CHAF1B: variants seen among roughly 807,000 people sequenced by gnomAD.
CHAF1B encodes CAF-1 subunit B.
Under a neutral mutation model 60.7 loss-of-function variants are expected in CHAF1B, and 10 were observed. The observed-to-expected ratio is 0.16, with a 90% CI of 0.10 to 0.28. The LOEUF (loss-of-function observed/expected upper bound fraction) is 0.28, where lower values mean the gene tolerates loss of function less well. CHAF1B is among the 10% of genes least tolerant of loss of function. The probability of loss-of-function intolerance (pLI) is 1.00; values close to 1 mark genes in which losing one functional copy is unlikely to be tolerated. For missense variants in CHAF1B, 558 were observed against 708.4 expected, an observed-to-expected ratio of 0.79 and a Z score of 2.41; for synonymous variants, 261 against 266.1, an observed-to-expected ratio of 0.98 and a Z score of 0.19.
chr21:36,387,233 T>G (rs1030529778), intron 2 of CHAF1B, among the ~76,000 whole-genome samples: 5 of 151,140 alleles, frequency 3.3e-5, no homozygotes, highest in African/African-American at 4.9e-5. Context: ...TGTTTTTTTT[T>G]TTTTTTTGAG....
intron 7 of CHAF1B, among the ~76,000 whole-genome samples, chr21:36,400,525 C>T (rs1009940717): frequency 3.3e-5 from 5 of 151,976 alleles, no homozygotes; most frequent in Admixed American, 3.3e-4. Flanking sequence ...GATGCCTTGG[C>T]CCCAACCTGA....
chr21:36,393,440 G>T (rs2086109145), intron 4 of CHAF1B, among the ~76,000 whole-genome samples: 1 of 147,552 alleles, frequency 6.8e-6, no homozygotes, highest in Admixed American at 6.8e-5. Flanking sequence ...TAAAGATACA[G>T]CTATCCTTTT....
chr21:36,414,698 G>A lies in CHAF1B; in HGVS notation c.1494-597G>A, dbSNP rs183352960. Among the ~76,000 whole-genome samples, 180 of 152,138 alleles carry A rather than the reference G, an allele frequency of 1.2e-3. 2 individuals are homozygous for A. Among genetic ancestry groups the A allele is most frequent in the African/African-American group, 2.3e-3 (94 of 41,502 alleles). On this transcript the variant is annotated intron_variant, in intron 12 of 13. Transcript: ENST00000314103. ...ATGCTCTCTGCTCACTGCAACCTCCGCCTTCTGGGTTCAAGTGATTCTCCT... is the reference window on the plus strand; with the variant it reads ...ATGCTCTCTGCTCACTGCAACCTCCACCTTCTGGGTTCAAGTGATTCTCCT...
intron 5 of CHAF1B, 80 bp downstream of exon 5, chr21:36,394,730 C>CTT (rs370521957): frequency 4.4e-3 from 2,367 of 536,116 alleles, no homozygotes; most frequent in East Asian, 5.5e-3. Flanking sequence ...CTTGCTTTAA[C>CTT]TTTTTTTTTT....
At chr21:36,409,082 T>C (rs942990945) in intron 9 of CHAF1B, among the ~76,000 whole-genome samples, 1 of 151,966 alleles carries the variant, frequency 6.6e-6, no homozygotes, top group African/African-American at 2.4e-5. Context: ...TTCAAACTGC[T>C]GACCTCAAGT....
intron 3 of CHAF1B, 65 bp downstream of exon 3, chr21:36,387,795 G>T: frequency 2.7e-6 from 4 of 1,466,378 alleles, no homozygotes; most frequent in Non-Finnish European, 3.8e-6. Context: ...TCTTGTGTCA[G>T]ATAGTGAGAT....
chr21:36,389,800 T>TGTGTGCGCGC, intron 3 of CHAF1B, among the ~76,000 whole-genome samples: 2,755 of 124,614 alleles, frequency 0.022, 57 homozygotes, highest in African/African-American at 0.046. Flanking sequence ...TGTGTGTGTG[T>TGTGTGCGCGC]GCGCGCGCAC....
intron 6 of CHAF1B, among the ~76,000 whole-genome samples, chr21:36,398,909 A>G (rs2086164371): frequency 6.6e-6 from 1 of 152,136 alleles, no homozygotes; most frequent in African/African-American, 2.4e-5. Flanking sequence ...GGGAGGAGTT[A>G]GTGTTTATTT....
chr21:36,391,727 T>C, intron 4 of CHAF1B, 59 bp downstream of exon 4: 1 of 1,115,696 alleles, frequency 9.0e-7, no homozygotes, highest in East Asian at 2.4e-5. Context: ...TTAAATGGAA[T>C]ATACCTTTTG....
Position 36,386,280 on chromosome 21 carries a change from T to C in CHAF1B, c.126+18T>C, listed in dbSNP as rs375101149. The C allele has an allele frequency of 1.4e-4, 219 of 1,612,792 alleles. No individual in the cohort carries two copies. Among genetic ancestry groups the C allele is most frequent in the Non-Finnish European group, 1.7e-4 (199 of 1,179,488 alleles). Reference sequence around the variant, plus strand: ...ATGTCAGGGTAAACTGGGGCAGAGATAGACATCCGGGAACACTGCTTGAAG... The same window carrying C: ...ATGTCAGGGTAAACTGGGGCAGAGACAGACATCCGGGAACACTGCTTGAAG... On this transcript the variant is annotated intron_variant, in intron 2 of 13. Coordinates refer to ENST00000314103, the MANE Select transcript of CHAF1B (RefSeq NM_005441.3).
In CHAF1B at chr21:36,416,599, T is replaced by A. The variant is rs1271493244; in HGVS notation, c.*233T>A. On this transcript the variant is annotated 3_prime_UTR_variant, in exon 14 of 14. Coordinates refer to ENST00000314103, the MANE Select transcript of CHAF1B (RefSeq NM_005441.3). The stretch of plus-strand genomic sequence containing the variant: ...GTTTTAACGTAGTAAATCCTCTTTT[T>A]GATGAGTTTCTGAAACTGGAGCGGT... 5.0e-6 allele frequency: 2 copies of A among 398,628 alleles called. No individual in the cohort carries two copies. Among genetic ancestry groups the A allele is most frequent in the Non-Finnish European group, 9.1e-6 (2 of 220,060 alleles). The allele number at this position is 398,628 out of a possible 1,614,324, so 24.7% of individuals were successfully genotyped here. A position where few individuals can be genotyped will look rare whatever the true frequency, so the allele number is the denominator to read the frequency against.
chr21:36,400,558 A>G (rs1430276380), intron 7 of CHAF1B, among the ~76,000 whole-genome samples: 1 of 152,158 alleles, frequency 6.6e-6, no homozygotes, highest in African/African-American at 2.4e-5. Context: ...ACTTGGCTGG[A>G]GGTAAGCAGG....
chr21:36,414,959 C>T (rs2086306363), intron 12 of CHAF1B, among the ~76,000 whole-genome samples: 1 of 152,164 alleles, frequency 6.6e-6, no homozygotes, highest in Non-Finnish European at 1.5e-5. Context: ...TCGACGCTTT[C>T]TATATATAGA....
At chr21:36,391,136 A>C (rs2086083129) in intron 3 of CHAF1B, among the ~76,000 whole-genome samples, 1 of 152,198 alleles carries the variant, frequency 6.6e-6, no homozygotes, top group African/African-American at 2.4e-5. Flanking sequence ...GTCATTTTGC[A>C]GTGGCATTTG....
intron 10 of CHAF1B, among the ~76,000 whole-genome samples, chr21:36,410,195 T>C (rs1383180105): frequency 6.6e-6 from 1 of 152,156 alleles, no homozygotes; most frequent in East Asian, 1.9e-4. Flanking sequence ...ACTCCTGACC[T>C]CAGGTGATCC....
At chr21:36,396,653 CA>C (rs144697615) in intron 5 of CHAF1B, among the ~76,000 whole-genome samples, 3,366 of 135,426 alleles carry the variant, frequency 0.025, 59 homozygotes, top group Admixed American at 0.049. Context: ...CACCCTGTCT[CA>C]AAAAAAAAAG....
rs1380658281 is a variant in CHAF1B at position 36,413,069 on chromosome 21, T to G, written c.1247T>G (p.Val416Gly). Residue 416 changes from valine (V) to glycine (G), a missense_variant, in exon 12 of 14, where the codon GTA becomes GGA. Physicochemically the swap from Val to Gly is moderately radical, Grantham distance 109. Transcript: ENST00000314103. ...HRGSSPGPRP[V>G]EGTPASRTQD... ...GGGTCTTCGCCAGGACCCAGACCGGTAGAGGGAACCCCTGCCAGCAGAACC... is the reference window on the plus strand; with the variant it reads ...GGGTCTTCGCCAGGACCCAGACCGGGAGAGGGAACCCCTGCCAGCAGAACC... 1 of 1,613,974 alleles carries G rather than the reference T, an allele frequency of 6.2e-7. No homozygotes were observed. Among genetic ancestry groups the G allele is most frequent in the Non-Finnish European group, 8.5e-7 (1 of 1,180,022 alleles).
chr21:36,409,529 G>A, intron 10 of CHAF1B, 64 bp downstream of exon 10: 8 of 1,195,232 alleles, frequency 6.7e-6, no homozygotes, highest in Non-Finnish European at 9.9e-6. Flanking sequence ...AGAGTGGGGT[G>A]GAGATTTGGA....
intron 7 of CHAF1B, among the ~76,000 whole-genome samples, chr21:36,400,631 GAGGCA>G (rs1184478280): frequency 1.3e-5 from 2 of 152,090 alleles, no homozygotes; most frequent in African/African-American, 4.8e-5. Context: ...ATCCCTACAC[GAGGCA>G]ACAGAAGACA....
Sources: allele counts gnomAD v4.1 joint callset (sites outside exome capture counted in the v4.1 genomes callset), GRCh38; gene constraint gnomAD v4.1.1; transcripts MANE v1.5; gene names NCBI Gene and HGNC (gene_info 2026-07-23, HGNC 2026-07-21).